The following NICOL1 variants were observed in gnomAD, a reference collection of about 807,000 sequenced individuals.
NICOL1 encodes NELL2 interacting cell ontogeny regulator 1, also known as NELL2-interacting cell ontogeny regulator 1.
the NICOL1 span, chr4:2,043,939 T>A: frequency 2.6e-6 from 4 of 1,540,058 alleles, no homozygotes; most frequent in Non-Finnish European, 3.5e-6. Flanking sequence ...ACCACGCTGC[T>A]CCGTGTGAAT....
At chr4:2,037,301 G>T in the NICOL1 span, among the ~76,000 whole-genome samples, 1 of 152,120 alleles carries the variant, frequency 6.6e-6, no homozygotes, top group East Asian at 1.9e-4. Context: ...TGCCATGTTG[G>T]TCAGGCCGGT....
the NICOL1 span, chr4:2,042,564 G>T: frequency 4.2e-6 from 2 of 480,224 alleles, no homozygotes; most frequent in East Asian, 3.5e-5. Context: ...CTGCGGGGAG[G>T]ACCGCGCCTC....
the NICOL1 span, among the ~76,000 whole-genome samples, chr4:2,043,177 C>T: frequency 1.3e-5 from 2 of 152,132 alleles, no homozygotes; most frequent in African/African-American, 4.8e-5. Flanking sequence ...GCGGCAAGGC[C>T]CCAGGGCAGA....
the NICOL1 span, chr4:2,042,787 A>C: frequency 1.9e-5 from 29 of 1,517,946 alleles, no homozygotes; most frequent in Non-Finnish European, 2.5e-5. Flanking sequence ...CGCGCCCTGC[A>C]GGACCTGCGG....
the NICOL1 span, chr4:2,042,393 G>A: frequency 4.0e-6 from 2 of 504,888 alleles, no homozygotes; most frequent in South Asian, 2.9e-5. Context: ...TGTCACCGCC[G>A]CCGCCGCCGC....
At chr4:2,043,305 T>A in the NICOL1 span, among the ~76,000 whole-genome samples, 1 of 152,110 alleles carries the variant, frequency 6.6e-6, no homozygotes, top group South Asian at 2.1e-4. Flanking sequence ...CAAGCCTGGA[T>A]GAACAGGGAG....
chr4:2,039,871 A>C, the NICOL1 span, among the ~76,000 whole-genome samples: 1 of 152,154 alleles, frequency 6.6e-6, no homozygotes, highest in Non-Finnish European at 1.5e-5. Flanking sequence ...ATTAATATAT[A>C]TAATTCTGTA....
the NICOL1 span, among the ~76,000 whole-genome samples, chr4:2,040,919 AG>A: frequency 1.3e-5 from 2 of 148,796 alleles, no homozygotes; most frequent in Admixed American, 1.3e-4. Context: ...CGCGAGAAGC[AG>A]GTGCGTCCGC....
the NICOL1 span, chr4:2,042,844 CGGTCCTCCCG>C: frequency 2.1e-6 from 3 of 1,463,172 alleles, no homozygotes; most frequent in African/African-American, 2.9e-5. Flanking sequence ...CGCGGCGCGA[CGGTCCTCCCG>C]GGCTTCCCAG....
the NICOL1 span, among the ~76,000 whole-genome samples, chr4:2,041,551 C>A: frequency 6.6e-6 from 1 of 152,182 alleles, no homozygotes; most frequent in South Asian, 2.1e-4. Context: ...CAGGGAAAAG[C>A]CGGGCGAGGG....
At chr4:2,043,822 C>T in the NICOL1 span, 14 of 1,530,558 alleles carry the variant, frequency 9.1e-6, no homozygotes, top group Admixed American at 2.0e-5. Context: ...TGCCAGTGGG[C>T]AGCTGGGCTG....
At chr4:2,038,698 C>A in the NICOL1 span, among the ~76,000 whole-genome samples, 1 of 152,126 alleles carries the variant, frequency 6.6e-6, no homozygotes, top group Non-Finnish European at 1.5e-5. Flanking sequence ...TATATCCTTA[C>A]CAACTCATTT....
At chr4:2,038,125 G>A in the NICOL1 span, among the ~76,000 whole-genome samples, 1 of 148,578 alleles carries the variant, frequency 6.7e-6, no homozygotes, top group African/African-American at 2.5e-5. Flanking sequence ...TTATATTTTT[G>A]TTATTATAAG....
At chr4:2,039,025 C>T in the NICOL1 span, among the ~76,000 whole-genome samples, 1 of 152,192 alleles carries the variant, frequency 6.6e-6, no homozygotes, top group Non-Finnish European at 1.5e-5. Context: ...GTGTGAATAA[C>T]ACAAGTGAGA....
chr4:2,042,818 C>G, the NICOL1 span: 1 of 1,492,284 alleles, frequency 6.7e-7, no homozygotes, highest in South Asian at 1.2e-5. Context: ...GCAGCCTGGA[C>G]GCGCGGGTGA....
At chr4:2,041,219 T>C in the NICOL1 span, among the ~76,000 whole-genome samples, 1 of 151,026 alleles carries the variant, frequency 6.6e-6, no homozygotes, top group African/African-American at 2.4e-5. Flanking sequence ...ACCGCCTGTG[T>C]CGGTGTCGGC....
the NICOL1 span, among the ~76,000 whole-genome samples, chr4:2,038,284 TAAAA>T: frequency 8.7e-6 from 1 of 114,880 alleles, no homozygotes; most frequent in South Asian, 3.0e-4. Context: ...TATATATATA[TAAAA>T]TTAAAATTTT....
chr4:2,042,450 C>CGCCGAGCCCGCCGGGAGT, the NICOL1 span: 1 of 428,458 alleles, frequency 2.3e-6, no homozygotes, highest in East Asian at 3.7e-5. Flanking sequence ...CCCGGGCCCG[C>CGCCGAGCCCGCCGGGAGT]GCCGAGCCCG....
the NICOL1 span, among the ~76,000 whole-genome samples, chr4:2,037,948 T>C: frequency 2.0e-5 from 3 of 151,560 alleles, no homozygotes; most frequent in Non-Finnish European, 4.4e-5. Flanking sequence ...TATTACACTA[T>C]AAATTTTACC....
Sources: allele counts gnomAD v4.1 joint callset (sites outside exome capture counted in the v4.1 genomes callset), GRCh38; gene constraint gnomAD v4.1.1; transcripts MANE v1.5; gene names NCBI Gene and HGNC (gene_info 2026-07-23, HGNC 2026-07-21).